Variants in LHFPL6 observed in about 807,000 individuals in gnomAD.
The protein encoded by LHFPL6 is LHFPL tetraspan subfamily member 6.
Under a neutral mutation model 20.6 loss-of-function variants are expected in LHFPL6, and 9 were observed. The observed-to-expected ratio is 0.44, with a 90% confidence interval of 0.26 to 0.76. The LOEUF is 0.76. Among genes scored for constraint, LHFPL6 ranks in the 30% least tolerant of loss-of-function variants. LHFPL6 has a pLI of 0.20. For missense variants in LHFPL6, 218 were observed against 253.5 expected (o/e 0.86, Z 0.95); for synonymous variants, 105 against 98.7 (o/e 1.06, Z -0.38).
At position 39,569,039 on chromosome 13, in the gene LHFPL6, C is replaced by T. The variant is rs76743719; in HGVS notation, c.385+31793G>A. On this transcript the variant is annotated intron_variant, in intron 2 of 3. Transcript: ENST00000379589. ...TTGAAAATCCTAGCAGAATAAGACC[C>T]GTGAGGGCAGCGATCATGTCAGCCC... is the stretch of plus-strand genomic sequence containing the variant. Among the ~76,000 whole-genome samples, 583 of 152,218 alleles carry T rather than the reference C, an allele frequency of 3.8e-3. 4 individuals are homozygous for T. Among genetic ancestry groups the T allele is most frequent in the African/African-American group, 0.013 (548 of 41,524 alleles).
chr13:39,579,842 A>G (rs1257754372), intron 2 of LHFPL6, among the ~76,000 whole-genome samples: 1 of 152,182 alleles, frequency 6.6e-6, no homozygotes, highest in East Asian at 1.9e-4. Context: ...TAGAATAACA[A>G]TGGCATCTTT....
chr13:39,413,485 A>C (rs1371895134), intron 2 of LHFPL6, among the ~76,000 whole-genome samples: 1 of 139,258 alleles, frequency 7.2e-6, no homozygotes, highest in Non-Finnish European at 1.5e-5. Flanking sequence ...GGGTCTCACT[A>C]TGTTGCCCAG....
intron 2 of LHFPL6, among the ~76,000 whole-genome samples, chr13:39,421,363 C>G (rs543115015): frequency 1.3e-5 from 2 of 152,260 alleles, no homozygotes; most frequent in South Asian, 4.2e-4. Context: ...AATTCTACAA[C>G]TTGAAGTCTT....
At chr13:39,539,176 A>G (rs1389895870) in intron 2 of LHFPL6, among the ~76,000 whole-genome samples, 1 of 152,234 alleles carries the variant, frequency 6.6e-6, no homozygotes, top group African/African-American at 2.4e-5. Flanking sequence ...CCCAGTTAAC[A>G]GCATGGCATT....
rs115712679 is a variant in LHFPL6, at chr13:39,373,702, T to C, written c.484+4726A>G. 2.8e-3 allele frequency among the ~76,000 whole-genome samples: 431 copies of C among 152,288 alleles called. 1 individual carries two copies. The highest frequency in any genetic ancestry group is 0.01 in the African/African-American group (422 of 41,566). On this transcript the variant is annotated intron_variant, in intron 3 of 3. Coordinates refer to ENST00000379589, the MANE Select transcript of LHFPL6 (RefSeq NM_005780.3). ...GGTATTCTTTGCTTGAGATCAGGGATTGTCAAACTATGGCTCCACTGCTTG... is the reference window on the plus strand; with the variant it reads ...GGTATTCTTTGCTTGAGATCAGGGACTGTCAAACTATGGCTCCACTGCTTG...
chr13:39,562,601 CAT>C lies in LHFPL6; in HGVS notation c.385+38229_385+38230del, dbSNP rs61440390. Among the ~76,000 whole-genome samples, 15 of 96,834 alleles carry C rather than the reference CAT, an allele frequency of 1.5e-4. 1 individual carries two copies. The highest frequency in any genetic ancestry group is 3.0e-4 in the Admixed American group (3 of 10,088). The allele number at this position is 96,834 out of a possible 152,430, so 63.5% of individuals were successfully genotyped here. ...ATATACACATATATACATATATACA[CAT>C]ATACATATATACACATATATACACA... On this transcript the variant is annotated intron_variant, in intron 2 of 3. Transcript: ENST00000379589.
chr13:39,594,188 A>C (rs1263786368), intron 2 of LHFPL6, among the ~76,000 whole-genome samples: 1 of 152,188 alleles, frequency 6.6e-6, no homozygotes, highest in East Asian at 1.9e-4. Flanking sequence ...CAATCTACAA[A>C]ATGGGAGAAA....
rs373374766 is a variant in LHFPL6 at position 39,446,539 on chromosome 13, G to T, written c.386-68013C>A. Among the ~76,000 whole-genome samples the T allele has an allele frequency of 1.2e-3, 182 of 151,946 alleles. 6 individuals carry two copies. In the South Asian group the frequency reaches 0.037, roughly 31 times the overall value. On this transcript the variant is annotated intron_variant, in intron 2 of 3. Coordinates refer to ENST00000379589, the MANE Select transcript of LHFPL6 (RefSeq NM_005780.3). ...GGGACAGTATACCCTGAGAGAACTG[G>T]GCCAGGGTAAACAAAGATCGTGTCC...
At chr13:39,582,321 C>T (rs1226185538) in intron 2 of LHFPL6, among the ~76,000 whole-genome samples, 1 of 152,204 alleles carries the variant, frequency 6.6e-6, no homozygotes, top group African/African-American at 2.4e-5. Flanking sequence ...TCCAGGGTCT[C>T]ATTCTGCAAA....
At chr13:39,509,030 T>C (rs191383533) in intron 2 of LHFPL6, among the ~76,000 whole-genome samples, 2 of 152,312 alleles carry the variant, frequency 1.3e-5, no homozygotes, top group Non-Finnish European at 2.9e-5. Context: ...TTTTTAACTT[T>C]AGTCATTCTA....
chr13:39,412,367 G>A (rs1319606139), intron 2 of LHFPL6, among the ~76,000 whole-genome samples: 2 of 152,282 alleles, frequency 1.3e-5, no homozygotes, highest in Non-Finnish European at 2.9e-5. Flanking sequence ...TTTTACATAT[G>A]ACTTTTGACT....
At chr13:39,499,729 A>G (rs1185085898) in intron 2 of LHFPL6, among the ~76,000 whole-genome samples, 3 of 152,222 alleles carry the variant, frequency 2.0e-5, no homozygotes, top group African/African-American at 7.2e-5. Flanking sequence ...GCTGGCACAG[A>G]GATGGTAAGA....
chr13:39,373,623 G>A (rs148350825), intron 3 of LHFPL6, among the ~76,000 whole-genome samples: 5 of 152,184 alleles, frequency 3.3e-5, no homozygotes, highest in Non-Finnish European at 7.4e-5. Context: ...CTTGAGAGCC[G>A]CAGGGATCAA....
chr13:39,408,368 T>A (rs1367622957), intron 2 of LHFPL6, among the ~76,000 whole-genome samples: 1 of 152,204 alleles, frequency 6.6e-6, no homozygotes, highest in Admixed American at 6.5e-5. Flanking sequence ...AATGAAGATA[T>A]CTTTTCATCC....
intron 2 of LHFPL6, among the ~76,000 whole-genome samples, chr13:39,561,447 G>A (rs921250795): frequency 2.0e-5 from 3 of 152,138 alleles, no homozygotes; most frequent in Admixed American, 2.0e-4. Flanking sequence ...GTTTTGGGAA[G>A]AGAGAAGTGG....
At chr13:39,599,858 C>T (rs1049904634) in intron 2 of LHFPL6, among the ~76,000 whole-genome samples, 18 of 152,152 alleles carry the variant, frequency 1.2e-4, no homozygotes, top group Non-Finnish European at 1.9e-4. Flanking sequence ...TGTAAGAAAA[C>T]ACCAAATGAG....
chr13:39,395,231 C>T (rs1434535419), intron 2 of LHFPL6, among the ~76,000 whole-genome samples: 1 of 152,134 alleles, frequency 6.6e-6, no homozygotes, highest in Non-Finnish European at 1.5e-5. Flanking sequence ...TTTATACTAC[C>T]CAGGGCTTCA....
chr13:39,560,634 C>T (rs1251622163), intron 2 of LHFPL6, among the ~76,000 whole-genome samples: 1 of 151,720 alleles, frequency 6.6e-6, no homozygotes, highest in African/African-American at 2.4e-5. Context: ...CCTACCTCAG[C>T]CTCCCGTGTA....
At chr13:39,375,396 G>A (rs1012958848) in intron 3 of LHFPL6, among the ~76,000 whole-genome samples, 1 of 152,196 alleles carries the variant, frequency 6.6e-6, no homozygotes, top group Admixed American at 6.5e-5. Context: ...AGCATAGAGA[G>A]TGAACAGGGA....
Sources: allele counts gnomAD v4.1 joint callset (sites outside exome capture counted in the v4.1 genomes callset), GRCh38; gene constraint gnomAD v4.1.1; transcripts MANE v1.5; gene names NCBI Gene and HGNC (gene_info 2026-07-23, HGNC 2026-07-21).